INPP4B: variants seen among roughly 807,000 people sequenced by gnomAD.
The protein encoded by INPP4B is inositol polyphosphate 4-phosphatase type II.
Under a neutral mutation model 122.5 loss-of-function variants are expected in INPP4B, and 55 were observed. That is an observed-to-expected ratio of 0.45 (90% CI 0.36 to 0.56). INPP4B has a LOEUF of 0.56. INPP4B is among the 20% of genes least tolerant of loss of function. The probability of loss-of-function intolerance (pLI) is 0.00; values close to 1 mark genes in which losing one functional copy is unlikely to be tolerated. For synonymous variants in INPP4B, 403 were observed against 388.7 expected (o/e 1.04, Z -0.43); for missense variants, 1,000 against 1,097.7 (o/e 0.91, Z 1.26).
chr4:142,504,697 C>T (rs1475284898), intron 2 of INPP4B, among the ~76,000 whole-genome samples: 3 of 151,952 alleles, frequency 2.0e-5, no homozygotes, highest in Non-Finnish European at 4.4e-5. Context: ...ACCAGTTGAT[C>T]TAGAAGTATT....
At chr4:142,400,827 C>T (rs1411326777) in intron 7 of INPP4B, among the ~76,000 whole-genome samples, 1 of 152,132 alleles carries the variant, frequency 6.6e-6, no homozygotes, top group Non-Finnish European at 1.5e-5. Context: ...CAACAAAAAG[C>T]ATAATTAATG....
intron 11 of INPP4B, among the ~76,000 whole-genome samples, chr4:142,252,964 G>A (rs1192550225): frequency 6.6e-6 from 1 of 152,182 alleles, no homozygotes; most frequent in Non-Finnish European, 1.5e-5. Flanking sequence ...TACCTAGATG[G>A]TAGAGCCTAC....
intron 7 of INPP4B, among the ~76,000 whole-genome samples, 161 bp downstream of exon 7, chr4:142,402,777 G>A (rs1361587484): frequency 2.0e-5 from 3 of 152,052 alleles, no homozygotes; most frequent in Non-Finnish European, 4.4e-5. Context: ...ATTTGGCAAC[G>A]AGACAAACAT....
At chr4:142,464,137 C>T (rs1314941163) in intron 2 of INPP4B, among the ~76,000 whole-genome samples, 2 of 152,054 alleles carry the variant, frequency 1.3e-5, no homozygotes, top group Non-Finnish European at 2.9e-5. Context: ...AGAGTTTGGG[C>T]ATTTTACTAC....
chr4:142,402,036 G>A (rs1052340771), intron 7 of INPP4B, among the ~76,000 whole-genome samples: 10 of 152,268 alleles, frequency 6.6e-5, no homozygotes, highest in African/African-American at 2.4e-4. Context: ...CGAAGTGAGG[G>A]CAGAGTTCAA....
chr4:142,613,756 C>T (rs982989489), intron 2 of INPP4B, among the ~76,000 whole-genome samples: 1 of 152,160 alleles, frequency 6.6e-6, no homozygotes, highest in Non-Finnish European at 1.5e-5. Flanking sequence ...TGGCTAGCTT[C>T]ACTTGTCATT....
chr4:142,746,507 A>G (rs1253005243), intron 1 of INPP4B, among the ~76,000 whole-genome samples: 1 of 152,212 alleles, frequency 6.6e-6, no homozygotes, highest in Admixed American at 6.5e-5. Context: ...TTCTTCACAG[A>G]ATGAGAAAAA....
intron 12 of INPP4B, among the ~76,000 whole-genome samples, chr4:142,221,392 A>T (rs1221765422): frequency 1.4e-5 from 2 of 147,216 alleles, no homozygotes; most frequent in Non-Finnish European, 3.0e-5. Flanking sequence ...TCCTTCTCAA[A>T]AAAAAAAAAA....
intron 10 of INPP4B, among the ~76,000 whole-genome samples, chr4:142,267,926 A>G (rs763325620): frequency 2.0e-5 from 3 of 152,188 alleles, no homozygotes; most frequent in Non-Finnish European, 4.4e-5. Flanking sequence ...ACAAATGGCC[A>G]ACGGATATAT....
intron 7 of INPP4B, among the ~76,000 whole-genome samples, chr4:142,375,074 C>A (rs1381277648): frequency 6.6e-6 from 1 of 151,698 alleles, no homozygotes; most frequent in African/African-American, 2.4e-5. Context: ...ACGGTCTAAT[C>A]ACTCACTCCT....
chr4:142,048,089 G>A (rs569775885), intron 25 of INPP4B, among the ~76,000 whole-genome samples: 1 of 152,096 alleles, frequency 6.6e-6, no homozygotes, highest in Non-Finnish European at 1.5e-5. Flanking sequence ...ACTCCTGTGA[G>A]GTAGGTACAA....
intron 23 of INPP4B, among the ~76,000 whole-genome samples, chr4:142,106,672 G>T (rs992998430): frequency 2.6e-5 from 4 of 151,980 alleles, no homozygotes; most frequent in Admixed American, 2.0e-4. Context: ...TTTGAGTAAG[G>T]ATGGCATATT....
At chr4:142,116,644 C>T (rs1400679702) in intron 21 of INPP4B, among the ~76,000 whole-genome samples, 1 of 152,164 alleles carries the variant, frequency 6.6e-6, no homozygotes, top group Non-Finnish European at 1.5e-5. Flanking sequence ...ACCAGAATCT[C>T]TGGACACATT....
chr4:142,649,900 A>G (rs937778666), intron 2 of INPP4B, among the ~76,000 whole-genome samples: 1 of 152,234 alleles, frequency 6.6e-6, no homozygotes. Context: ...GAGCAACCTC[A>G]AGACACATAA....
chr4:142,768,779 GCTGA>G (rs1448102515), intron 1 of INPP4B, among the ~76,000 whole-genome samples: 3 of 152,138 alleles, frequency 2.0e-5, no homozygotes, highest in East Asian at 1.9e-4. Context: ...GAATTCCATG[GCTGA>G]CTGTCAGAAA....
chr4:142,493,216 C>T (rs897061157), intron 2 of INPP4B, among the ~76,000 whole-genome samples: 2 of 152,200 alleles, frequency 1.3e-5, no homozygotes, highest in African/African-American at 4.8e-5. Context: ...TAGAAGTCTG[C>T]TGCAGGGGTG....
At chr4:142,635,811 T>A (rs1279882475) in intron 2 of INPP4B, among the ~76,000 whole-genome samples, 1 of 152,038 alleles carries the variant, frequency 6.6e-6, no homozygotes, top group African/African-American at 2.4e-5. Flanking sequence ...CCCCATGACA[T>A]GACTTTACCT....
intron 7 of INPP4B, among the ~76,000 whole-genome samples, chr4:142,350,226 T>C (rs1164397664): frequency 6.6e-6 from 1 of 151,994 alleles, no homozygotes; most frequent in Admixed American, 6.6e-5. Context: ...CAAGAACATA[T>C]TGTATGTCCT....
At chr4:142,276,527 T>C (rs545295278) in intron 9 of INPP4B, among the ~76,000 whole-genome samples, 1 of 152,048 alleles carries the variant, frequency 6.6e-6, no homozygotes, top group Non-Finnish European at 1.5e-5. Context: ...TATGTAATTA[T>C]GAGCAGGCAA....
Sources: gnomAD v4.1 joint callset for allele counts (sites outside exome capture counted in the v4.1 genomes callset) on GRCh38, gnomAD v4.1.1 for gene constraint, MANE v1.5 for transcripts, NCBI Gene and HGNC (gene_info 2026-07-23, HGNC 2026-07-21) for gene names.